The following ANXA13 variants were observed in gnomAD, a reference collection of about 807,000 sequenced individuals.
ANXA13 encodes the protein annexin A13, also known as annexin XIII.
A neutral mutation model predicts 46.6 loss-of-function variants in ANXA13; 36 were observed. The observed-to-expected ratio is 0.77, with a 90% CI of 0.59 to 1.02. The LOEUF (loss-of-function observed/expected upper bound fraction) is 1.02. Ranked by LOEUF, ANXA13 falls within the 50% of genes least tolerant of loss-of-function variation. The pLI is 0.00. For synonymous variants in ANXA13, 163 were observed against 152.9 expected (o/e 1.07, Z -0.49); for missense variants, 417 against 396.5 (o/e 1.05, Z -0.44).
intron 1 of ANXA13, among the ~76,000 whole-genome samples, chr8:123,726,610 A>G (rs979336434): frequency 6.6e-6 from 1 of 152,262 alleles, no homozygotes; most frequent in African/African-American, 2.4e-5. Flanking sequence ...GAAATCCAGC[A>G]GCCCAGCAGC....
chr8:123,733,846 G>A (rs971623979), intron 1 of ANXA13, among the ~76,000 whole-genome samples: 1 of 152,156 alleles, frequency 6.6e-6, no homozygotes, highest in Non-Finnish European at 1.5e-5. Flanking sequence ...CCCAGGCATC[G>A]GTGGCTTTTA....
intron 3 of ANXA13, among the ~76,000 whole-genome samples, chr8:123,700,161 G>A (rs1261434423): frequency 6.6e-6 from 1 of 152,214 alleles, no homozygotes; most frequent in African/African-American, 2.4e-5. Flanking sequence ...AGCCAACACT[G>A]CATCTTGTGA....
chr8:123,698,237 A>C, intron 4 of ANXA13, 152 bp downstream of exon 4: 1 of 727,150 alleles, frequency 1.4e-6, no homozygotes, highest in Non-Finnish European at 2.2e-6. Context: ...ACTGGAAGAG[A>C]TGTCCTCCCA....
chr8:123,684,442 A>G (rs541118932), intron 10 of ANXA13, among the ~76,000 whole-genome samples, 168 bp downstream of exon 10: 42 of 152,358 alleles, frequency 2.8e-4, no homozygotes, highest in African/African-American at 1.0e-3. Flanking sequence ...AAAAAGAAAC[A>G]GATTGAAGCA....
chr8:123,700,996 AT>A (rs915317580), intron 3 of ANXA13, among the ~76,000 whole-genome samples: 40 of 151,856 alleles, frequency 2.6e-4, no homozygotes, highest in African/African-American at 9.7e-4. Context: ...CTAATTTTTT[AT>A]TTTTGGTAGA....
chr8:123,730,376 C>G (rs1213020395), intron 1 of ANXA13, among the ~76,000 whole-genome samples: 2 of 152,216 alleles, frequency 1.3e-5, no homozygotes, highest in Non-Finnish European at 2.9e-5. Flanking sequence ...CGGGCTCCAC[C>G]TTAGATTTAC....
Position 123,715,558 on chromosome 8 carries a change from G to A in ANXA13, c.16-2805C>T, listed in dbSNP as rs181877417. Among the ~76,000 whole-genome samples the A allele has an allele frequency of 9.3e-4, 142 of 152,316 alleles. 1 individual carries two copies. Among genetic ancestry groups the A allele is most frequent in the Middle Eastern group, 3.4e-3 (1 of 294 alleles). On this transcript the variant is annotated intron_variant, in intron 1 of 10. Transcript: ENST00000419625. ...ATCTGTCCCACTTGACAACTAATGC[G>A]CTGAAACAGAGATGCAGGGCTCTGC...
chr8:123,711,379 C>A (rs968358908), intron 2 of ANXA13, among the ~76,000 whole-genome samples: 5 of 152,198 alleles, frequency 3.3e-5, no homozygotes, highest in African/African-American at 1.2e-4. Flanking sequence ...TTCCAGGCTT[C>A]TGGGACTAGA....
chr8:123,702,732 G>T lies in ANXA13; in HGVS notation c.96C>A (p.Thr32=), dbSNP rs1813467673. 1.9e-6 allele frequency: 3 copies of T among 1,613,424 alleles called. No individual in the cohort carries two copies. The highest frequency in any genetic ancestry group is 1.1e-5 in the South Asian group (1 of 91,066). ...AGATTTCAATGATGGCTGCTTCATT[G>T]GTCCCTAAAATACAGGAGAAACAAA... ...KLNKACKGMG[T]NEAAIIEILS... Residue 32 remains threonine (T), a synonymous_variant, in exon 3 of 11, where the codon ACC becomes ACA. Coordinates refer to ENST00000419625, the MANE Select transcript of ANXA13 (RefSeq NM_004306.4).
intron 3 of ANXA13, among the ~76,000 whole-genome samples, chr8:123,701,835 G>T (rs1813453179): frequency 6.6e-6 from 1 of 151,968 alleles, no homozygotes; most frequent in Admixed American, 6.6e-5. Flanking sequence ...GTACATGCTG[G>T]CATTATCCTG....
chr8:123,707,406 G>A (rs1563612715), intron 2 of ANXA13, among the ~76,000 whole-genome samples: 4 of 152,072 alleles, frequency 2.6e-5, no homozygotes, highest in Non-Finnish European at 5.9e-5. Flanking sequence ...ATCTTTAGAT[G>A]TTCTTTTTGG....
intron 8 of ANXA13, among the ~76,000 whole-genome samples, chr8:123,689,957 G>A (rs1237332579): frequency 5.3e-5 from 8 of 152,302 alleles, no homozygotes; most frequent in African/African-American, 1.7e-4. Flanking sequence ...TATATGTCGG[G>A]GGAGGAACTG....
intron 7 of ANXA13, 34 bp from the exon 8 acceptor site, chr8:123,693,332 CTTT>C: frequency 6.3e-7 from 1 of 1,593,880 alleles, no homozygotes; most frequent in Non-Finnish European, 8.6e-7. Context: ...TTGAAAAAGG[CTTT>C]TGTGAAAAGA....
intron 1 of ANXA13, among the ~76,000 whole-genome samples, chr8:123,723,779 T>A (rs948209778): frequency 6.6e-6 from 1 of 152,218 alleles, no homozygotes; most frequent in Non-Finnish European, 1.5e-5. Flanking sequence ...TACTTTTTTA[T>A]TAGTCTATTT....
At chr8:123,709,124 C>T (rs1265942376) in intron 2 of ANXA13, among the ~76,000 whole-genome samples, 2 of 152,240 alleles carry the variant, frequency 1.3e-5, no homozygotes, top group Non-Finnish European at 2.9e-5. Flanking sequence ...CTACTCAATG[C>T]TCATACCGAT....
rs538549774 is a variant in ANXA13 at position 123,732,043 on chromosome 8, A to G, written c.15+5277T>C. Among the ~76,000 whole-genome samples, 8 of 152,306 alleles carry G rather than the reference A, an allele frequency of 5.3e-5. 1 individual carries two copies. In the South Asian group the frequency reaches 1.7e-3, roughly 32 times the overall value. On this transcript the variant is annotated intron_variant, in intron 1 of 10. Coordinates refer to ENST00000419625, the MANE Select transcript of ANXA13 (RefSeq NM_004306.4). Reference sequence around the variant, plus strand: ...AAGGGGCTAAAGAGATGACGAGGTGATGATTCAGTTCAACAGTTTCAGAAA... The same window carrying G: ...AAGGGGCTAAAGAGATGACGAGGTGGTGATTCAGTTCAACAGTTTCAGAAA...
chr8:123,702,646 C>A lies in ANXA13; in HGVS notation c.182G>T (p.Gly61Val). 1 of 1,613,880 alleles carries A rather than the reference C, an allele frequency of 6.2e-7. No homozygotes were observed. The highest frequency in any genetic ancestry group is 8.5e-7 in the Non-Finnish European group (1 of 1,179,810). Residue 61 changes from glycine to valine, a missense_variant, in exon 3 of 11, where the codon GGC (glycine) becomes GTC (valine). Gly to Val is a moderately radical substitution (Grantham distance 109). Transcript: ENST00000419625. ...QIKQKYKATY[G>V]KELEEVLKSE... ...GCTGACCACCCCTGGAATCACCTTG[C>A]CGTACGTTGCCTTGTACTTTTGCTT...
chr8:123,723,625 C>T (rs774469637), intron 1 of ANXA13, among the ~76,000 whole-genome samples: 16 of 152,170 alleles, frequency 1.1e-4, no homozygotes, highest in Admixed American at 7.2e-4. Context: ...ATTTACACCA[C>T]GGAAATTGGC....
At chr8:123,727,246 A>G (rs1415198140) in intron 1 of ANXA13, among the ~76,000 whole-genome samples, 1 of 152,222 alleles carries the variant, frequency 6.6e-6, no homozygotes, top group Non-Finnish European at 1.5e-5. Flanking sequence ...TCATGGGCTA[A>G]CAGTTTTGAG....
Sources: allele counts gnomAD v4.1 joint callset (sites outside exome capture counted in the v4.1 genomes callset), GRCh38; gene constraint gnomAD v4.1.1; transcripts MANE v1.5; gene names NCBI Gene and HGNC (gene_info 2026-07-23, HGNC 2026-07-21).